Variants in TRIM64B observed in about 807,000 individuals in gnomAD.
TRIM64B encodes the protein tripartite motif containing 64B, also known as tripartite motif-containing protein 64B.
For synonymous variants in TRIM64B, 17 were observed against 190.3 expected (o/e 0.09, Z 7.50); for missense variants, 57 against 536.4 (o/e 0.11, Z 8.83).
chr11:89,876,275 T>C (rs1418249897), upstream of TRIM64B, among the ~76,000 whole-genome samples: 1 of 141,348 alleles, frequency 7.1e-6, no homozygotes, highest in African/African-American at 2.5e-5. Flanking sequence ...GATGTTCAAG[T>C]CTCTTATTAG....
intron 5 of TRIM64B, among the ~76,000 whole-genome samples, chr11:89,871,447 A>G (rs1950107222): frequency 6.6e-6 from 1 of 152,190 alleles, no homozygotes; most frequent in South Asian, 2.1e-4. Flanking sequence ...TGTTTTTAAG[A>G]TCATCAACAG....
intron 2 of TRIM64B, among the ~76,000 whole-genome samples, chr11:89,874,677 CG>C (rs1950145312): frequency 2.8e-5 from 3 of 107,604 alleles, no homozygotes; most frequent in Admixed American, 1.1e-4. Flanking sequence ...CTATTTCTTT[CG>C]TCTTCCTCAC....
upstream of TRIM64B, among the ~76,000 whole-genome samples, chr11:89,877,853 C>T (rs140903936): frequency 0.043 from 6,367 of 149,320 alleles, 913 homozygotes; most frequent in Non-Finnish European, 0.062. Context: ...AACTCTAGAC[C>T]TCAAGCGATC....
chr11:89,876,593 G>A (rs867139128), upstream of TRIM64B, among the ~76,000 whole-genome samples: 3 of 149,482 alleles, frequency 2.0e-5, no homozygotes, highest in South Asian at 2.1e-4. Context: ...GTGGTGGTAC[G>A]TGCCTGTAGT....
chr11:89,872,821 A>G (rs1284177441), intron 4 of TRIM64B, among the ~76,000 whole-genome samples: 1 of 151,726 alleles, frequency 6.6e-6, no homozygotes, highest in Non-Finnish European at 1.5e-5. Context: ...CTTTCCTAGA[A>G]CTGGGTGTAT....
intron 5 of TRIM64B, among the ~76,000 whole-genome samples, chr11:89,871,324 C>G (rs1281868161): frequency 1.3e-5 from 2 of 152,192 alleles, no homozygotes; most frequent in Non-Finnish European, 2.9e-5. Flanking sequence ...AGAGAAAAAA[C>G]GTGACCATAC....
intron 2 of TRIM64B, 35 bp downstream of exon 3, chr11:89,874,925 AGCTAACATTGTGTTTATT>A (rs1407338978): frequency 7.0e-7 from 1 of 1,436,458 alleles, no homozygotes; most frequent in African/African-American, 1.4e-5. Context: ...AAAAAGTATA[AGCTAACATTGTGTTTATT>A]TGCATAAAAA....
chr11:89,873,365 TTC>T (rs1237668753), intron 3 of TRIM64B, 75 bp from the exon 5 acceptor site: 22 of 1,529,826 alleles, frequency 1.4e-5, no homozygotes, highest in African/African-American at 2.8e-5. Flanking sequence ...TCTTGTTTCT[TTC>T]TGTTTTAATA....
At chr11:89,876,440 T>C (rs1950164249), upstream of TRIM64B, among the ~76,000 whole-genome samples, 1 of 149,430 alleles carries the variant, frequency 6.7e-6, no homozygotes, top group African/African-American at 2.4e-5. Context: ...ATGTACATGT[T>C]TGGCAGGGCG....
At chr11:89,877,292 A>AT (rs561877763), upstream of TRIM64B, among the ~76,000 whole-genome samples, 1,042 of 111,296 alleles carry the variant, frequency 9.4e-3, 14 homozygotes, top group Non-Finnish European at 0.015. Flanking sequence ...AATATCTATT[A>AT]TTTTTAATTA....
chr11:89,872,966 A>G (rs1375268130), intron 4 of TRIM64B, among the ~76,000 whole-genome samples: 2 of 150,670 alleles, frequency 1.3e-5, no homozygotes, highest in Non-Finnish European at 2.9e-5. Flanking sequence ...TCTAGAGTAG[A>G]AGATGCCTCT....
At chr11:89,878,137 A>G (rs551522036), upstream of TRIM64B, among the ~76,000 whole-genome samples, 40 of 139,574 alleles carry the variant, frequency 2.9e-4, 1 homozygote, top group Non-Finnish European at 5.8e-4. Flanking sequence ...ATGGAAATAT[A>G]TCTTTTCACA....
upstream of TRIM64B, among the ~76,000 whole-genome samples, chr11:89,876,590 T>C (rs1022794771): frequency 6.7e-5 from 10 of 149,530 alleles, no homozygotes; most frequent in Middle Eastern, 3.6e-3. Flanking sequence ...GGCGTGGTGG[T>C]ACGTGCCTGT....
chr11:89,877,582 C>T (rs1950172932), upstream of TRIM64B, among the ~76,000 whole-genome samples: 2 of 147,774 alleles, frequency 1.4e-5, no homozygotes, highest in South Asian at 4.3e-4. Flanking sequence ...ATCTATTGAT[C>T]TATTTTCTTT....
chr11:89,876,462 C>G (rs1445776525), upstream of TRIM64B, among the ~76,000 whole-genome samples: 1 of 149,488 alleles, frequency 6.7e-6, no homozygotes, highest in Non-Finnish European at 1.5e-5. Context: ...GGTACTCATG[C>G]CTGTAATCCC....
upstream of TRIM64B, among the ~76,000 whole-genome samples, chr11:89,876,721 CA>C (rs57069977): frequency 0.058 from 6,085 of 105,674 alleles, 232 homozygotes; most frequent in African/African-American, 0.17. Context: ...GACTCTGTCT[CA>C]AAAAAAAAAA....
chr11:89,876,466 T>C (rs1181854624), upstream of TRIM64B, among the ~76,000 whole-genome samples: 2 of 149,628 alleles, frequency 1.3e-5, no homozygotes, highest in East Asian at 2.0e-4. Context: ...CTCATGCCTG[T>C]AATCCCAGCA....
upstream of TRIM64B, among the ~76,000 whole-genome samples, chr11:89,876,880 T>C (rs1950168820): frequency 6.7e-6 from 1 of 149,370 alleles, no homozygotes; most frequent in South Asian, 2.1e-4. Flanking sequence ...ACAGTCCTCA[T>C]GGCATTTTTG....
At chr11:89,873,046 G>T (rs1950128366) in intron 4 of TRIM64B, among the ~76,000 whole-genome samples, 1 of 151,812 alleles carries the variant, frequency 6.6e-6, no homozygotes, top group African/African-American at 2.4e-5. Context: ...GGACTGGGAA[G>T]AACAAACTTC....
Sources: allele counts gnomAD v4.1 joint callset (sites outside exome capture counted in the v4.1 genomes callset), GRCh38; gene constraint gnomAD v4.1.1; transcripts MANE v1.5; gene names NCBI Gene and HGNC (gene_info 2026-07-23, HGNC 2026-07-21).